The following ADAMTSL1 variants were observed in gnomAD, a reference collection of about 807,000 sequenced individuals.
The protein encoded by ADAMTSL1 is ADAMTS-like protein 1.
In ADAMTSL1, 126 loss-of-function variants were observed where a neutral mutation model predicts 201.8. The observed-to-expected ratio is 0.62, with a 90% CI of 0.54 to 0.72. The LOEUF (loss-of-function observed/expected upper bound fraction) is 0.72, where lower values mean the gene tolerates loss of function less well. Among genes scored for constraint, ADAMTSL1 ranks in the 30% least tolerant of loss-of-function variants. The probability of loss-of-function intolerance (pLI) is 0.00; values close to 1 mark genes in which losing one functional copy is unlikely to be tolerated. For synonymous variants in ADAMTSL1, 1,121 were observed against 903.4 expected (o/e 1.24, Z -4.32); for missense variants, 2,679 against 2,277.8 (o/e 1.18, Z -3.59).
intron 4 of ADAMTSL1, among the ~76,000 whole-genome samples, chr9:18,594,178 C>A (rs989507005): frequency 6.8e-4 from 103 of 152,048 alleles, no homozygotes; most frequent in African/African-American, 2.4e-3. Context: ...GCGTTCTGAG[C>A]GTATTTTCCC....
chr9:18,207,220 A>G (rs1173836430), intron 2 of ADAMTSL1, among the ~76,000 whole-genome samples: 1 of 152,104 alleles, frequency 6.6e-6, no homozygotes, highest in Non-Finnish European at 1.5e-5. Context: ...GGAAGAAGGT[A>G]GGAATGAGAG....
intron 5 of ADAMTSL1, among the ~76,000 whole-genome samples, chr9:18,629,139 C>T (rs557681097): frequency 2.6e-5 from 4 of 152,100 alleles, no homozygotes; most frequent in African/African-American, 7.2e-5. Context: ...CACTCAATAC[C>T]TCTGAGTTTT....
intron 2 of ADAMTSL1, among the ~76,000 whole-genome samples, chr9:18,510,447 G>A (rs1205283059): frequency 6.6e-6 from 1 of 152,124 alleles, no homozygotes; most frequent in East Asian, 1.9e-4. Context: ...AGCAGTACTT[G>A]ATACTGGAGA....
intron 15 of ADAMTSL1, among the ~76,000 whole-genome samples, chr9:18,731,497 G>A (rs977800837): frequency 3.9e-5 from 6 of 152,214 alleles, no homozygotes; most frequent in East Asian, 1.9e-4. Flanking sequence ...CGGCCACAGT[G>A]GCATGCACCT....
At chr9:18,856,189 G>A (rs116937467) in intron 23 of ADAMTSL1, among the ~76,000 whole-genome samples, 8 of 152,080 alleles carry the variant, frequency 5.3e-5, no homozygotes, top group Non-Finnish European at 8.8e-5. Context: ...TATAACTGCC[G>A]AGATAAAAAT....
At chr9:18,031,968 T>C (rs1054973744) in intron 1 of ADAMTSL1, among the ~76,000 whole-genome samples, 2 of 152,194 alleles carry the variant, frequency 1.3e-5, no homozygotes, top group African/African-American at 4.8e-5. Flanking sequence ...CCAGGGATTT[T>C]AGTCCAGCTG....
At chr9:17,980,853 T>A (rs1818661519) in intron 1 of ADAMTSL1, among the ~76,000 whole-genome samples, 1 of 152,148 alleles carries the variant, frequency 6.6e-6, no homozygotes, top group Non-Finnish European at 1.5e-5. Context: ...CATTCTGACA[T>A]CTGCTTCTGA....
intron 1 of ADAMTSL1, among the ~76,000 whole-genome samples, chr9:18,498,383 C>A (rs543262339): frequency 1.4e-5 from 2 of 145,890 alleles, no homozygotes; most frequent in East Asian, 4.3e-4. Context: ...GTTGCCCAGG[C>A]TGGAGTGCAT....
At chr9:17,914,893 G>A (rs552364439) in intron 1 of ADAMTSL1, among the ~76,000 whole-genome samples, 2 of 152,108 alleles carry the variant, frequency 1.3e-5, no homozygotes, top group Non-Finnish European at 2.9e-5. Context: ...CAAACAGAGA[G>A]CCAAACCAAC....
intron 2 of ADAMTSL1, among the ~76,000 whole-genome samples, chr9:18,311,776 T>C (rs549568186): frequency 3.9e-5 from 6 of 152,232 alleles, no homozygotes; most frequent in South Asian, 2.1e-4. Flanking sequence ...GTGGGGGAGA[T>C]TGAAATGGGA....
At chr9:17,917,494 C>T (rs957378839) in intron 1 of ADAMTSL1, among the ~76,000 whole-genome samples, 1 of 151,884 alleles carries the variant, frequency 6.6e-6, no homozygotes, top group African/African-American at 2.4e-5. Context: ...AGTGAGTTAC[C>T]TTCACTGATA....
intron 1 of ADAMTSL1, among the ~76,000 whole-genome samples, chr9:18,092,289 G>A (rs1441720158): frequency 6.6e-6 from 1 of 152,126 alleles, no homozygotes; most frequent in Non-Finnish European, 1.5e-5. Context: ...TGAGAGCACA[G>A]GAGAGACAGA....
chr9:18,742,574 G>A (rs1271259912), intron 15 of ADAMTSL1, among the ~76,000 whole-genome samples: 2 of 152,198 alleles, frequency 1.3e-5, no homozygotes, highest in Non-Finnish European at 2.9e-5. Context: ...GATGGTGAGG[G>A]AAACCTTGCT....
At position 18,272,676 on chromosome 9, in the gene ADAMTSL1, A is replaced by G. The variant is rs182186794; in HGVS notation, c.207+108695A>G. On this transcript the variant is annotated intron_variant, in intron 2 of 29. Coordinates refer to the ADAMTSL1 transcript ENST00000680146. ...GAGAAGGCACACATGTTTCCTGGAT[A>G]CTGACCTATTCCTACCTACCACTTC... 7.6e-3 allele frequency among the ~76,000 whole-genome samples: 1,160 copies of G among 152,330 alleles called. 6 individuals are homozygous for G. The highest frequency in any genetic ancestry group is 0.012 in the Non-Finnish European group (814 of 68,030).
intron 1 of ADAMTSL1, among the ~76,000 whole-genome samples, chr9:18,475,552 A>T (rs1016318194): frequency 1.3e-5 from 2 of 152,224 alleles, no homozygotes; most frequent in Non-Finnish European, 2.9e-5. Flanking sequence ...TTAATTTTTC[A>T]TAGAAATTTA....
chr9:18,354,615 A>C (rs949457795), intron 2 of ADAMTSL1, among the ~76,000 whole-genome samples: 7 of 152,188 alleles, frequency 4.6e-5, no homozygotes, highest in Non-Finnish European at 7.3e-5. Flanking sequence ...GACAGTAGGC[A>C]ACACAGTGGT....
At position 18,185,739 on chromosome 9, in the gene ADAMTSL1, T is replaced by C. The variant is rs1031369597; in HGVS notation, c.207+21758T>C. Reference sequence around the variant, plus strand: ...ATAGCTTTATACATCAGTATAATCTTTGAAAGCATAATTGAGTAACAAATG... The same window carrying C: ...ATAGCTTTATACATCAGTATAATCTCTGAAAGCATAATTGAGTAACAAATG... On this transcript the variant is annotated intron_variant, in intron 2 of 29. Coordinates refer to the ADAMTSL1 transcript ENST00000680146. Among the ~76,000 whole-genome samples the C allele has an allele frequency of 7.9e-5, 12 of 152,320 alleles. No homozygotes were observed. The South Asian group carries it at 1.0e-3, about 13-fold the overall frequency.
intron 23 of ADAMTSL1, among the ~76,000 whole-genome samples, chr9:18,843,796 C>G (rs2131333382): frequency 6.6e-6 from 1 of 151,120 alleles, no homozygotes; most frequent in African/African-American, 2.5e-5. Flanking sequence ...GATCTTCAAT[C>G]ACTGATACCC....
At chr9:18,881,533 T>G (rs1828533767) in intron 23 of ADAMTSL1, among the ~76,000 whole-genome samples, 1 of 152,206 alleles carries the variant, frequency 6.6e-6, no homozygotes, top group South Asian at 2.1e-4. Flanking sequence ...TATATGAGCA[T>G]GGTTCATGGT....
Sources: gnomAD v4.1 joint callset for allele counts (sites outside exome capture counted in the v4.1 genomes callset) on GRCh38, gnomAD v4.1.1 for gene constraint, MANE v1.5 for transcripts, NCBI Gene and HGNC (gene_info 2026-07-23, HGNC 2026-07-21) for gene names.